Variants in HCFC2 observed in about 807,000 individuals in gnomAD.
The protein encoded by HCFC2 is host cell factor C2.
Under a neutral mutation model 89.2 loss-of-function variants are expected in HCFC2, and 18 were observed. The observed-to-expected ratio is 0.20, with a 90% CI of 0.14 to 0.30. The LOEUF is 0.30. Ranked by LOEUF, HCFC2 falls within the 10% of genes least tolerant of loss-of-function variation. The pLI is 1.00. For missense variants in HCFC2, 578 were observed against 956.1 expected (o/e 0.60, Z 5.21); for synonymous variants, 308 against 335.7 (o/e 0.92, Z 0.90).
rs778122691 is a variant in HCFC2, at chr12:104,064,608, G to A, written c.48G>A (p.Thr16=). The A allele has an allele frequency of 5.1e-6, 8 of 1,575,628 alleles. No individual in the cohort carries two copies. The highest frequency in any genetic ancestry group is 6.9e-6 in the Non-Finnish European group (8 of 1,163,304). ...LLNWRRVSSF[T]GPVPRARHGH... ...ACTGGAGGCGAGTTTCTTCCTTCACGGGGCCGGTCCCCCGCGCCCGGCACG... is the reference window on the plus strand; with the variant it reads ...ACTGGAGGCGAGTTTCTTCCTTCACAGGGCCGGTCCCCCGCGCCCGGCACG... Residue 16 remains threonine (T), a synonymous_variant, in exon 1 of 15, where the codon ACG becomes ACA. Transcript: ENST00000229330. The surrounding 1 kb of genome is among the most constrained non-coding windows in gnomAD (Gnocchi z 7.3).
In HCFC2 at chr12:104,098,331, C is replaced by T. The variant is rs1396333972; in HGVS notation, c.1741-12C>T. Reference sequence around the variant, plus strand: ...TAAGAGTCTTCATAAATTTTTTTTTCTCTGAAATTAGAAAGAGACTCCTTC... The same window carrying T: ...TAAGAGTCTTCATAAATTTTTTTTTTTCTGAAATTAGAAAGAGACTCCTTC... On this transcript the variant is annotated splice_polypyrimidine_tract_variant and intron_variant, in intron 12 of 14. Transcript: ENST00000229330. 2.7e-5 allele frequency: 42 copies of T among 1,569,588 alleles called. No individual in the cohort carries two copies. The highest frequency in any genetic ancestry group is 4.5e-5 in the East Asian group (2 of 44,168).
At chr12:104,099,597 GC>G (rs1262961072) in intron 13 of HCFC2, among the ~76,000 whole-genome samples, 4 of 151,252 alleles carry the variant, frequency 2.6e-5, no homozygotes, top group Non-Finnish European at 4.4e-5. Flanking sequence ...GGGCAACATG[GC>G]AATACCTATC....
intron 1 of HCFC2, chr12:104,065,180 T>G (rs1036517523): frequency 6.5e-6 from 1 of 152,888 alleles, no homozygotes; most frequent in African/African-American, 2.4e-5. Context: ...ACGAGAGGCC[T>G]TCTGGCACTC....
At chr12:104,079,349 T>C (rs985782586) in intron 3 of HCFC2, 96 bp from the exon 4 acceptor site, 21 of 1,011,386 alleles carry the variant, frequency 2.1e-5, no homozygotes, top group Non-Finnish European at 3.0e-5. Context: ...TATGAACTTT[T>C]CACAGTAAGC....
intron 12 of HCFC2, chr12:104,097,773 T>TA (rs1298889044): frequency 6.9e-6 from 2 of 291,176 alleles, no homozygotes; most frequent in African/African-American, 2.3e-5. Context: ...TAAAACAGGA[T>TA]AAAAAATGTA....
At chr12:104,073,163 T>A (rs547680719) in intron 3 of HCFC2, among the ~76,000 whole-genome samples, 2 of 149,696 alleles carry the variant, frequency 1.3e-5, no homozygotes, top group East Asian at 3.9e-4. Context: ...AGTCTTCTGT[T>A]TGCCTTTTTT....
chr12:104,093,779 T>C (rs985734564), intron 10 of HCFC2, among the ~76,000 whole-genome samples: 16 of 151,316 alleles, frequency 1.1e-4, no homozygotes, highest in South Asian at 6.3e-4. Flanking sequence ...TGAGGCAATT[T>C]TTTTTTTTTT....
intron 5 of HCFC2, among the ~76,000 whole-genome samples, chr12:104,081,886 C>G (rs1165798777): frequency 1.3e-5 from 1 of 78,484 alleles, no homozygotes; most frequent in Non-Finnish European, 2.4e-5. Context: ...GCCTGGGCAA[C>G]AGAACAAGAT....
rs1884140862 is a variant in HCFC2 at position 104,095,299 on chromosome 12, T to G, written c.1463-61T>G. 4 of 1,288,592 alleles carry G rather than the reference T, an allele frequency of 3.1e-6. No homozygotes were observed. Among genetic ancestry groups the G allele is most frequent in the Non-Finnish European group, 4.5e-6 (4 of 896,960 alleles). 79.8% of individuals were successfully genotyped at this position (1,288,592 alleles called of 1,614,324 possible). The stretch of plus-strand genomic sequence containing the variant: ...ACCAAGAATCATATGACAAGAACGA[T>G]AAGACACAACAATTATCTGCAGATA... On this transcript the variant is annotated intron_variant, in intron 10 of 14. Transcript: ENST00000229330. This position sits in a 1 kb window ranked among gnomAD's most constrained non-coding sequence, Gnocchi z 4.2.
intron 5 of HCFC2, among the ~76,000 whole-genome samples, chr12:104,082,182 G>A (rs1179939683): frequency 6.6e-6 from 1 of 152,178 alleles, no homozygotes; most frequent in Non-Finnish European, 1.5e-5. Context: ...TCAATTGAGT[G>A]TCTCTCTGAC....
rs2030040490 is a variant in HCFC2 at position 104,104,644 on chromosome 12, TA to T, written c.*1372del. 6.6e-6 allele frequency: 1 copy of T among 152,002 alleles called. No individual in the cohort carries two copies. Among genetic ancestry groups the T allele is most frequent in the Non-Finnish European group, 1.5e-5 (1 of 67,868 alleles). The allele number at this position is 152,002 out of a possible 1,614,324, so 9.4% of individuals were successfully genotyped here. Reference sequence around the variant, plus strand: ...GATGGATTTAATTGTGCAGAATTGATATATATGTGTGTTCCAGTTACTAATT... The same window carrying T: ...GATGGATTTAATTGTGCAGAATTGATTATATGTGTGTTCCAGTTACTAATT... On this transcript the variant is annotated 3_prime_UTR_variant, in exon 15 of 15. Coordinates refer to ENST00000229330, the MANE Select transcript of HCFC2 (RefSeq NM_013320.3).
intron 13 of HCFC2, among the ~76,000 whole-genome samples, chr12:104,100,830 T>C (rs954305280): frequency 6.6e-6 from 1 of 152,172 alleles, no homozygotes; most frequent in African/African-American, 2.4e-5. Flanking sequence ...TGATTTCATA[T>C]ATAAAGACGT....
At chr12:104,092,829 T>TA (rs1412229373) in intron 9 of HCFC2, among the ~76,000 whole-genome samples, 42 of 152,302 alleles carry the variant, frequency 2.8e-4, no homozygotes, top group African/African-American at 8.7e-4. Context: ...GTGTTTATTA[T>TA]AGTGTGTTTA....
In HCFC2 at chr12:104,103,931, C is replaced by T. The variant is rs1406162169; in HGVS notation, c.*658C>T. 1 of 152,016 alleles carries T rather than the reference C, an allele frequency of 6.6e-6. No individual in the cohort carries two copies. The highest frequency in any genetic ancestry group is 2.4e-5 in the African/African-American group (1 of 41,410). The allele number at this position is 152,016 out of a possible 1,614,324, so 9.4% of individuals were successfully genotyped here. A position where few individuals can be genotyped will look rare whatever the true frequency, so the allele number is the denominator to read the frequency against. On this transcript the variant is annotated 3_prime_UTR_variant, in exon 15 of 15. Coordinates refer to ENST00000229330, the MANE Select transcript of HCFC2 (RefSeq NM_013320.3). ...TGAGTTTTCTTGATTCTTACCAGGC[C>T]AATATATTTGAATATATTTTTGGCC...
chr12:104,087,064 A>C (rs371720642), intron 8 of HCFC2, 50 bp downstream of exon 8: 1 of 1,591,632 alleles, frequency 6.3e-7, no homozygotes. Context: ...GCTTTTAAAA[A>C]TATATACTGG....
chr12:104,078,006 A>G (rs1883560238), intron 3 of HCFC2, among the ~76,000 whole-genome samples: 1 of 151,970 alleles, frequency 6.6e-6, no homozygotes, highest in South Asian at 2.1e-4. Flanking sequence ...TTATGTATTT[A>G]TTTTTGTTTT....
intron 12 of HCFC2, 118 bp from the exon 13 acceptor site, chr12:104,098,225 A>G (rs2629755): frequency 0.16 from 107,086 of 681,332 alleles, 10,055 homozygotes; most frequent in East Asian, 0.41. Flanking sequence ...ATGAGTTGTT[A>G]ATGTTGTGGT....
In HCFC2 at chr12:104,103,281, T is replaced by G. The variant is rs767568866; in HGVS notation, c.*8T>G. 8 of 1,598,182 alleles carry G rather than the reference T, an allele frequency of 5.0e-6. No homozygotes were observed. In the East Asian group the frequency reaches 1.6e-4, roughly 31 times the overall value. On this transcript the variant is annotated 3_prime_UTR_variant, in exon 15 of 15. Transcript: ENST00000229330. ...AAAGCACCTTTAAATTGAATTGGTT[T>G]TTTTACTGAAGCTATTGTGATGATG... is the stretch of plus-strand genomic sequence containing the variant.
At chr12:104,096,290 T>G (rs901891305) in intron 11 of HCFC2, 70 bp from the exon 12 acceptor site, 3 of 1,034,596 alleles carry the variant, frequency 2.9e-6, no homozygotes, top group African/African-American at 1.6e-5. Context: ...TAAATATATA[T>G]TTAAAAATTA....
Sources: allele counts gnomAD v4.1 joint callset (sites outside exome capture counted in the v4.1 genomes callset), GRCh38; gene constraint gnomAD v4.1.1; non-coding constraint Gnocchi (gnomAD v3.1); transcripts MANE v1.5; gene names NCBI Gene and HGNC (gene_info 2026-07-23, HGNC 2026-07-21).